HMX1: variants seen among roughly 807,000 people sequenced by gnomAD.
HMX1 encodes H6 family homeobox 1, also known as homeobox protein HMX1.
Under a neutral mutation model 8.9 loss-of-function variants are expected in HMX1, and 8 were observed. That is an observed-to-expected ratio of 0.90 (90% CI 0.53 to 1.63). HMX1 has a LOEUF of 1.63. Ranked by LOEUF, HMX1 falls within the 40% of genes most tolerant of loss-of-function variation. HMX1 has a pLI of 0.00. For missense variants in HMX1, 621 were observed against 558.5 expected, an observed-to-expected ratio of 1.11 and a Z score of -1.13; for synonymous variants, 311 against 283.4, an observed-to-expected ratio of 1.10 and a Z score of -0.98.
Position 8,871,345 on chromosome 4 carries a change from G to T in HMX1, c.270C>A (p.Gly90=). Residue 90 remains glycine (G), a synonymous_variant, in exon 1 of 2, where the codon GGC becomes GGA. Transcript: ENST00000400677. This position sits in a 1 kb window ranked among gnomAD's most constrained non-coding sequence, Gnocchi z 4.8. ...EARARALLGP[G]ALGLGPRPPP... is the part of the protein sequence containing the mutation. ...GCGGCCGAGGACCGAGGCCCAGCGC[G>T]CCCGGCCCGAGCAGCGCACGGGCCC... is the stretch of plus-strand genomic sequence containing the variant. 1 of 1,276,084 alleles carries T rather than the reference G, an allele frequency of 7.8e-7. No individual in the cohort carries two copies. The highest frequency in any genetic ancestry group is 9.9e-7 in the Non-Finnish European group (1 of 1,014,310). The allele number at this position is 1,276,084 out of a possible 1,614,324, so 79.0% of individuals were successfully genotyped here.
At chr4:8,852,694 T>C (rs1296134198) in intron 1 of HMX1, among the ~76,000 whole-genome samples, 1 of 152,378 alleles carries the variant, frequency 6.6e-6, no homozygotes, top group South Asian at 2.1e-4. Flanking sequence ...TGGCCAAAAC[T>C]GACAGCATTC....
Position 8,870,866 on chromosome 4 carries a change from C to A in HMX1, c.394+355G>T, listed in dbSNP as rs1305024693. Among the ~76,000 whole-genome samples the A allele has an allele frequency of 6.8e-6, 1 of 147,134 alleles. No homozygotes were observed. Among genetic ancestry groups the A allele is most frequent in the Non-Finnish European group, 1.5e-5 (1 of 67,206 alleles). On this transcript the variant is annotated intron_variant, in intron 1 of 1. Transcript: ENST00000400677. The surrounding 1 kb of genome is among the most constrained non-coding windows in gnomAD (Gnocchi z 4.4). ...TCCTCCATCCTCCCATTTTCTTTCT[C>A]AGCCTCTTTCGCCTTCTCCTGTATC...
At chr4:8,869,537 G>A (rs961278543) in intron 1 of HMX1, among the ~76,000 whole-genome samples, 7 of 152,216 alleles carry the variant, frequency 4.6e-5, no homozygotes, top group South Asian at 2.1e-4. Context: ...CAAGGGGTGC[G>A]CACACTGGTG....
At position 8,849,041 on chromosome 4, in the gene HMX1, G is replaced by C. The variant is rs1244801104; in HGVS notation, c.395-2717C>G. On this transcript the variant is annotated intron_variant, in intron 1 of 1. Coordinates refer to the HMX1 transcript ENST00000506970. The surrounding 1 kb of genome is among the most constrained non-coding windows in gnomAD (Gnocchi z 6.6). Reference sequence around the variant, plus strand: ...CGTGGGGGTGGAGACCCGGCTGAGGGGGGTGGGCCTCCTCCCCCTGCCCGC... The same window carrying C: ...CGTGGGGGTGGAGACCCGGCTGAGGCGGGTGGGCCTCCTCCCCCTGCCCGC... Among the ~76,000 whole-genome samples, 1 of 152,112 alleles carries C rather than the reference G, an allele frequency of 6.6e-6. No homozygotes were observed. Among genetic ancestry groups the C allele is most frequent in the East Asian group, 1.9e-4 (1 of 5,134 alleles).
In HMX1 at chr4:8,871,072, C is replaced by G. The variant is rs988315180; in HGVS notation, c.394+149G>C. 2.2e-6 allele frequency: 2 copies of G among 894,462 alleles called. No individual in the cohort carries two copies. Among genetic ancestry groups the G allele is most frequent in the South Asian group, 5.9e-5 (2 of 33,776 alleles). The allele number at this position is 894,462 out of a possible 1,614,324, so 55.4% of individuals were successfully genotyped here. On this transcript the variant is annotated intron_variant, in intron 1 of 1. Transcript: ENST00000400677. The surrounding 1 kb of genome is among the most constrained non-coding windows in gnomAD (Gnocchi z 4.8). Reference sequence around the variant, plus strand: ...TCCAAACCAGCCCAACCAGGGGCTCCTGGGGGCCCCACAAGGCCCAGACGC... The same window carrying G: ...TCCAAACCAGCCCAACCAGGGGCTCGTGGGGGCCCCACAAGGCCCAGACGC...
downstream of HMX1, among the ~76,000 whole-genome samples, chr4:8,866,512 T>G (rs937887337): frequency 6.6e-6 from 1 of 152,170 alleles, no homozygotes; most frequent in Non-Finnish European, 1.5e-5. Context: ...GAGCTCTCCT[T>G]CAGATCCCAT....
At chr4:8,861,545 G>C (rs1199591823) in intron 1 of HMX1, among the ~76,000 whole-genome samples, 1 of 152,224 alleles carries the variant, frequency 6.6e-6, no homozygotes, top group African/African-American at 2.4e-5. Context: ...GCCGCGAAGA[G>C]GGACGAGCAG....
chr4:8,859,959 C>G (rs1195406121), intron 1 of HMX1, among the ~76,000 whole-genome samples: 2 of 152,254 alleles, frequency 1.3e-5, no homozygotes, highest in African/African-American at 4.8e-5. Flanking sequence ...TTGTTGGGAG[C>G]AAGGAGGCAC....
At chr4:8,857,716 G>A (rs960367606) in intron 1 of HMX1, among the ~76,000 whole-genome samples, 4 of 152,200 alleles carry the variant, frequency 2.6e-5, no homozygotes, top group African/African-American at 7.2e-5. Context: ...AATTTTGGAC[G>A]TTTCTGGTTG....
chr4:8,847,115 G>A lies in HMX1; in HGVS notation c.395-791C>T, dbSNP rs1224316132. ...CTGACCATTTGCATTGCCACATCAA[G>A]GGCTCTAAGAAAGTCTACAAATAAA... On this transcript the variant is annotated intron_variant, in intron 1 of 1. Transcript: ENST00000506970. The surrounding 1 kb of genome is among the most constrained non-coding windows in gnomAD (Gnocchi z 6.0). Among the ~76,000 whole-genome samples the A allele has an allele frequency of 6.6e-6, 1 of 152,094 alleles. No homozygotes were observed. Among genetic ancestry groups the A allele is most frequent in the Non-Finnish European group, 1.5e-5 (1 of 68,028 alleles).
chr4:8,862,600 C>CT (rs964137813), downstream of HMX1, among the ~76,000 whole-genome samples: 6 of 152,154 alleles, frequency 3.9e-5, no homozygotes, highest in African/African-American at 1.2e-4. Flanking sequence ...CTGATAATAA[C>CT]TTTTTTTAAA....
In HMX1 at chr4:8,868,085, C is replaced by T; in HGVS notation, c.655G>A (p.Glu219Lys). ...TAGCGCTTCAGGTCGAAGGTGGATT[C>T]CAGCTGGAAGACCTGGCTGCGGGAG... is the stretch of plus-strand genomic sequence containing the variant. ...VFSRSQVFQL[E>K]STFDLKRYLS... The change falls in exon 2 of 2, where the codon GAA (glutamate) becomes AAA (lysine). Residue 219 changes from glutamate (E) to lysine (K), a missense_variant. Coordinates refer to ENST00000400677, the MANE Select transcript of HMX1 (RefSeq NM_018942.3). This position sits in a 1 kb window ranked among gnomAD's most constrained non-coding sequence, Gnocchi z 4.6. 7 of 1,526,862 alleles carry T rather than the reference C, an allele frequency of 4.6e-6. No individual in the cohort carries two copies. Among genetic ancestry groups the T allele is most frequent in the Non-Finnish European group, 6.1e-6 (7 of 1,139,704 alleles). 94.6% of individuals were successfully genotyped at this position (1,526,862 alleles called of 1,614,324 possible). A position where few individuals can be genotyped will look rare whatever the true frequency, so the allele number is the denominator to read the frequency against.
In HMX1 at chr4:8,846,459, G is replaced by A. The variant is rs918407019; in HGVS notation, c.395-135C>T. Reference sequence around the variant, plus strand: ...CTCACAGAGTGGTCTCCAAACTACAGGGACCTAGGACTCCCCGGGAACTTG... The same window carrying A: ...CTCACAGAGTGGTCTCCAAACTACAAGGACCTAGGACTCCCCGGGAACTTG... On this transcript the variant is annotated intron_variant, in intron 1 of 1. Transcript: ENST00000506970. The A allele has an allele frequency of 4.5e-6, 3 of 660,432 alleles. No individual in the cohort carries two copies. The African/African-American group carries it at 5.5e-5, about 12-fold the overall frequency. The allele number at this position is 660,432 out of a possible 1,614,324, so 40.9% of individuals were successfully genotyped here.
At chr4:8,869,028 C>T (rs1404220051) in intron 1 of HMX1, among the ~76,000 whole-genome samples, 1 of 152,212 alleles carries the variant, frequency 6.6e-6, no homozygotes, top group Non-Finnish European at 1.5e-5. Flanking sequence ...CCAGTGTCCA[C>T]AAGGCAAGTC....
chr4:8,860,486 C>T (rs1423271648), intron 1 of HMX1, among the ~76,000 whole-genome samples: 2 of 152,250 alleles, frequency 1.3e-5, no homozygotes, highest in African/African-American at 2.4e-5. Context: ...GTGACTTTCC[C>T]AAAGCCACAC....
At chr4:8,855,929 A>G (rs1409667193) in intron 1 of HMX1, among the ~76,000 whole-genome samples, 1 of 152,170 alleles carries the variant, frequency 6.6e-6, no homozygotes, top group Non-Finnish European at 1.5e-5. Flanking sequence ...TCCCCACTCA[A>G]TGTGGTGGGG....
chr4:8,867,361 G>A lies in HMX1; in HGVS notation c.*332C>T, dbSNP rs1722034112. On this transcript the variant is annotated 3_prime_UTR_variant, in exon 2 of 2. Transcript: ENST00000400677. ...TTGTTGCGCTGGGCTTGGCCTGAGG[G>A]CAGCTGCCCCGGGTGGCCATGGCCG... 1 of 1,025,254 alleles carries A rather than the reference G, an allele frequency of 9.8e-7. No homozygotes were observed. The highest frequency in any genetic ancestry group is 1.2e-6 in the Non-Finnish European group (1 of 856,568). The allele number at this position is 1,025,254 out of a possible 1,614,324, so 63.5% of individuals were successfully genotyped here.
In HMX1 at chr4:8,867,937, G is replaced by A; in HGVS notation, c.803C>T (p.Ala268Val). The A allele has an allele frequency of 3.4e-6, 5 of 1,470,296 alleles. No individual in the cohort carries two copies. The highest frequency in any genetic ancestry group is 2.9e-5 in the East Asian group (1 of 34,400). 91.1% of individuals were successfully genotyped at this position (1,470,296 alleles called of 1,614,324 possible). A position where few individuals can be genotyped will look rare whatever the true frequency, so the allele number is the denominator to read the frequency against. The change falls in exon 2 of 2, where the codon GCG (alanine) becomes GTG (valine). Residue 268 changes from alanine to valine, a missense_variant. By Grantham distance (64) the Ala-to-Val change is moderately conservative. Transcript: ENST00000400677. ...CGCTCCCGGCGGGGACAGGCTGGCC[G>A]CCTCCAGCTCGGCTGCCAGCTGCCG... is the stretch of plus-strand genomic sequence containing the variant. The part of the protein sequence containing the change: ...WKRQLAAELE[A>V]ASLSPPGAQR...
At position 8,871,554 on chromosome 4, in the gene HMX1, T is replaced by G; in HGVS notation, c.61A>C (p.Ile21Leu). The G allele has an allele frequency of 7.3e-7, 1 of 1,365,342 alleles. No individual in the cohort carries two copies. Among genetic ancestry groups the G allele is most frequent in the Non-Finnish European group, 9.5e-7 (1 of 1,056,012 alleles). The allele number at this position is 1,365,342 out of a possible 1,614,324, so 84.6% of individuals were successfully genotyped here. Reference protein sequence around the residue: ...ATPARASSFLIENLLAAEAKG... With the variant: ...ATPARASSFLLENLLAAEAKG... ...GCCTCGGCCGCCAGCAGGTTCTCGA[T>G]GAGGAAGGAGGAGGCGCGGGCCGGC... Residue 21 changes from isoleucine (I) to leucine (L), a missense_variant, in exon 1 of 2, where the codon ATC becomes CTC. Coordinates refer to ENST00000400677, the MANE Select transcript of HMX1 (RefSeq NM_018942.3). This position sits in a 1 kb window ranked among gnomAD's most constrained non-coding sequence, Gnocchi z 4.8.
Sources: gnomAD v4.1 joint callset for allele counts (sites outside exome capture counted in the v4.1 genomes callset) on GRCh38, gnomAD v4.1.1 for gene constraint, Gnocchi (gnomAD v3.1) non-coding constraint, MANE v1.5 for transcripts, NCBI Gene and HGNC (gene_info 2026-07-23, HGNC 2026-07-21) for gene names.